Variants in ARF5 observed in about 807,000 individuals in gnomAD.
ARF5 encodes ARF GTPase 5, also known as ADP-ribosylation factor 5.
In ARF5, 10 loss-of-function variants were observed where a neutral mutation model predicts 24.8. That is an observed-to-expected ratio of 0.40 (90% confidence interval 0.25 to 0.68). ARF5 has a LOEUF of 0.68. ARF5 is among the 30% of genes least tolerant of loss of function. The pLI, the probability that ARF5 is intolerant of heterozygous loss-of-function variation, is 0.36. For synonymous variants in ARF5, 102 were observed against 95.1 expected, an observed-to-expected ratio of 1.07 and a Z score of -0.42; for missense variants, 135 against 239.2, an observed-to-expected ratio of 0.56 and a Z score of 2.87.
At chr7:127,588,660 CTG>C (rs1423486636) in intron 1 of ARF5, 95 bp downstream of exon 1, 10 of 1,187,850 alleles carry the variant, frequency 8.4e-6, no homozygotes, top group Middle Eastern at 3.0e-4. Flanking sequence ...ACCTGGGTCT[CTG>C]GCCCCGAGTC....
rs767496095 is a variant in ARF5 at position 127,591,078 on chromosome 7, G to T, written c.446G>T (p.Arg149Leu). 44 of 1,613,852 alleles carry T rather than the reference G, an allele frequency of 2.7e-5. No homozygotes were observed. The highest frequency in any genetic ancestry group is 3.7e-5 in the Non-Finnish European group (44 of 1,179,970). ...LTDKLGLQHL[R>L]SRTWYVQATC... ...GACAAGCTGGGGCTACAGCACTTACGCAGCCGCACGGTAGGGGTCCTGCCC... is the reference window on the plus strand; with the variant it reads ...GACAAGCTGGGGCTACAGCACTTACTCAGCCGCACGGTAGGGGTCCTGCCC... The change falls in exon 5 of 6, where the codon CGC becomes CTC. Residue 149 changes from arginine to leucine, a missense_variant. This residue lies in a region of ARF5 where 102 missense variants were observed against 160.9 expected (regional missense o/e 0.63). Coordinates refer to ENST00000000233, the MANE Select transcript of ARF5 (RefSeq NM_001662.4).
chr7:127,589,293 A>G (rs3735641), intron 2 of ARF5, 130 bp downstream of exon 2: 430,251 of 1,187,956 alleles, frequency 0.36, 82,688 homozygotes, highest in East Asian at 0.75. Flanking sequence ...GGGTCAGGGT[A>G]TCTCTACGTG....
At chr7:127,589,398 TTTTGTG>T (rs1794251918) in intron 2 of ARF5, 81 bp from the exon 3 acceptor site, 21 of 1,250,946 alleles carry the variant, frequency 1.7e-5, no homozygotes, top group Non-Finnish European at 2.3e-5. Context: ...TGCCTTCTGG[TTTTGTG>T]TCCCTGCTGA....
At chr7:127,588,915 A>G in intron 1 of ARF5, 168 bp from the exon 2 acceptor site, 2 of 753,094 alleles carry the variant, frequency 2.7e-6, no homozygotes, top group African/African-American at 1.8e-5. Flanking sequence ...GAGTTGGCTC[A>G]CGCCACCCGA....
chr7:127,589,629 G>A (rs779055906), intron 3 of ARF5, 35 bp downstream of exon 3: 1 of 1,525,086 alleles, frequency 6.6e-7, no homozygotes, highest in Admixed American at 1.8e-5. Context: ...TAACCCCACG[G>A]GAAAAGGTGT....
Position 127,591,569 on chromosome 7 carries a change from G to A in ARF5, c.*270G>A. On this transcript the variant is annotated 3_prime_UTR_variant, in exon 6 of 6. Coordinates refer to ENST00000000233, the MANE Select transcript of ARF5 (RefSeq NM_001662.4). ...CCCCCTCTTCCAGAGGAGGAGCAGG[G>A]ATCTGGGTTTCCTTTTTTTTTTCTG... The A allele has an allele frequency of 2.2e-6, 1 of 450,748 alleles. No homozygotes were observed. Among genetic ancestry groups the A allele is most frequent in the Non-Finnish European group, 3.9e-6 (1 of 255,972 alleles). 27.9% of individuals were successfully genotyped at this position (450,748 alleles called of 1,614,324 possible).
intron 4 of ARF5, 28 bp from the exon 5 acceptor site, chr7:127,590,935 G>A (rs201319710): frequency 6.2e-7 from 1 of 1,604,222 alleles, no homozygotes; most frequent in Non-Finnish European, 8.5e-7. Flanking sequence ...ACGCAGCCTG[G>A]GTCCCACCTT....
chr7:127,589,818 T>A lies in ARF5; in HGVS notation c.258+224T>A. ...GGATTCTGGGACCAGGCTGCCTGAT[T>A]TAGCCCTCATAACATGTCTTTATTT... On this transcript the variant is annotated intron_variant, in intron 3 of 5. Transcript: ENST00000000233. 4.9e-6 allele frequency: 3 copies of A among 608,324 alleles called. No individual in the cohort carries two copies. In the South Asian group the frequency reaches 6.1e-5, roughly 12 times the overall value. 37.7% of individuals were successfully genotyped at this position (608,324 alleles called of 1,614,324 possible). A position where few individuals can be genotyped will look rare whatever the true frequency, so the allele number is the denominator to read the frequency against.
At chr7:127,589,032 T>C in intron 1 of ARF5, 51 bp from the exon 2 acceptor site, 1 of 1,598,620 alleles carries the variant, frequency 6.3e-7, no homozygotes, top group African/African-American at 1.3e-5. Context: ...CCCTGGTCTC[T>C]AGGGGGCTCC....
At chr7:127,589,462 C>T in intron 2 of ARF5, 23 bp from the exon 3 acceptor site, 1 of 1,568,850 alleles carries the variant, frequency 6.4e-7, no homozygotes. Context: ...GTTTTCTCAT[C>T]TTTTTTTTCC....
rs146419152 is a variant in ARF5, at chr7:127,589,310, G to A, written c.148+147G>A. Reference sequence around the variant, plus strand: ...GTCAGGGTATCTCTACGTGGATACCGGAGGCAGGGTGGATGTGACCTAGCC... The same window carrying A: ...GTCAGGGTATCTCTACGTGGATACCAGAGGCAGGGTGGATGTGACCTAGCC... On this transcript the variant is annotated intron_variant, in intron 2 of 5. Transcript: ENST00000000233. The A allele has an allele frequency of 3.3e-4, 373 of 1,120,970 alleles. 3 individuals are homozygous for A. In the African/African-American group the frequency reaches 4.2e-3, roughly 13 times the overall value. 69.4% of individuals were successfully genotyped at this position (1,120,970 alleles called of 1,614,324 possible). A position where few individuals can be genotyped will look rare whatever the true frequency, so the allele number is the denominator to read the frequency against.
At position 127,591,281 on chromosome 7, in the gene ARF5, C is replaced by G. The variant is rs142827438; in HGVS notation, c.525C>G (p.His175Gln). ...GLYDGLDWLS[H>Q]ELSKR ...ACGATGGTCTGGACTGGCTGTCCCACGAGCTGTCAAAGCGCTAACCAGCCA... is the reference window on the plus strand; with the variant it reads ...ACGATGGTCTGGACTGGCTGTCCCAGGAGCTGTCAAAGCGCTAACCAGCCA... The change falls in exon 6 of 6, where the codon CAC becomes CAG. Residue 175 changes from histidine (H) to glutamine (Q), a missense_variant. Around this residue, in one of 3 missense-constraint regions of ARF5, gnomAD observed 102 missense variants for 160.9 expected, o/e 0.63. Transcript: ENST00000000233. The G allele has an allele frequency of 6.2e-7, 1 of 1,604,372 alleles. No individual in the cohort carries two copies. The highest frequency in any genetic ancestry group is 1.8e-5 in the Admixed American group (1 of 57,102).
intron 3 of ARF5, 65 bp downstream of exon 3, chr7:127,589,659 T>C (rs759866266): frequency 3.5e-5 from 48 of 1,368,878 alleles, no homozygotes; most frequent in Non-Finnish European, 4.8e-5. Context: ...GAGAACAGAA[T>C]TGTTGGCCTA....
intron 1 of ARF5, 54 bp from the exon 2 acceptor site, chr7:127,589,029 C>T (rs1019377294): frequency 1.3e-6 from 2 of 1,595,966 alleles, no homozygotes; most frequent in African/African-American, 2.7e-5. Flanking sequence ...TTTCCCTGGT[C>T]TCTAGGGGGC....
chr7:127,588,910 G>C, intron 1 of ARF5, 173 bp from the exon 2 acceptor site: 1 of 720,134 alleles, frequency 1.4e-6, no homozygotes, highest in Non-Finnish European at 2.3e-6. Flanking sequence ...CTTTGGAGTT[G>C]GCTCACGCCA....
intron 4 of ARF5, 151 bp downstream of exon 4, chr7:127,590,288 G>T: frequency 1.6e-6 from 1 of 621,544 alleles, no homozygotes; most frequent in Non-Finnish European, 2.9e-6. Context: ...ATCTCACCCT[G>T]TTTTGGATGG....
chr7:127,590,453 C>A (rs1371488500), intron 4 of ARF5, among the ~76,000 whole-genome samples: 1 of 152,156 alleles, frequency 6.6e-6, no homozygotes, highest in Non-Finnish European at 1.5e-5. Context: ...CTGCCTCAGC[C>A]TCCCAAGTAG....
rs774948946 is a variant in ARF5, at chr7:127,589,482, C to T, written c.149-3C>T. 6.2e-7 allele frequency: 1 copy of T among 1,604,036 alleles called. No individual in the cohort carries two copies. Among genetic ancestry groups the T allele is most frequent in the Non-Finnish European group, 8.5e-7 (1 of 1,173,258 alleles). On this transcript the variant is annotated splice_polypyrimidine_tract_variant and splice_region_variant and intron_variant, in intron 2 of 5. Transcript: ENST00000000233. ...CTCATCTTTTTTTTCCAATTATCTGCAGGCTTCAATGTAGAAACAGTGGAA... is the reference window on the plus strand; with the variant it reads ...CTCATCTTTTTTTTCCAATTATCTGTAGGCTTCAATGTAGAAACAGTGGAA...
rs140350464 is a variant in ARF5, at chr7:127,589,954, A to G, written c.259-112A>G. 4,339 of 966,984 alleles carry G rather than the reference A, an allele frequency of 4.5e-3. 37 individuals are homozygous for G. Among genetic ancestry groups the G allele is most frequent in the Middle Eastern group, 0.027 (127 of 4,778 alleles). 59.9% of individuals were successfully genotyped at this position (966,984 alleles called of 1,614,324 possible). A position where few individuals can be genotyped will look rare whatever the true frequency, so the allele number is the denominator to read the frequency against. ...TCTGTAAACTTCTGTAGAGTTTACT[A>G]GATGAGAAGGATTGACACAATTACA... On this transcript the variant is annotated intron_variant, in intron 3 of 5. Transcript: ENST00000000233.
Sources: gnomAD v4.1 joint callset for allele counts (sites outside exome capture counted in the v4.1 genomes callset) on GRCh38, gnomAD v4.1.1 for gene constraint, gnomAD v4.1.1 regional missense constraint, MANE v1.5 for transcripts, NCBI Gene and HGNC (gene_info 2026-07-23, HGNC 2026-07-21) for gene names.